YPEL2: variants seen among roughly 807,000 people sequenced by gnomAD.
The protein encoded by YPEL2 is yippee like 2, also known as protein yippee-like 2.
A neutral mutation model predicts 19.1 loss-of-function variants in YPEL2; 2 were observed. The ratio of observed to expected loss-of-function variants is 0.10; its 90% CI spans 0.04 to 0.33. YPEL2 has a LOEUF of 0.33. Ranked by LOEUF, YPEL2 falls within the 10% of genes least tolerant of loss-of-function variation. The probability of loss-of-function intolerance (pLI) is 1.00; values close to 1 mark genes in which losing one functional copy is unlikely to be tolerated. For synonymous variants in YPEL2, 52 were observed against 50.0 expected (o/e 1.04, Z -0.17); for missense variants, 66 against 140.7 (o/e 0.47, Z 2.68).
At chr17:59,381,390 G>A (rs975833021) in intron 2 of YPEL2, among the ~76,000 whole-genome samples, 3 of 152,216 alleles carry the variant, frequency 2.0e-5, no homozygotes, top group Non-Finnish European at 4.4e-5. Flanking sequence ...GGGGGCTGAA[G>A]TTTGAGAGGC....
rs529234764 is a variant in YPEL2 at position 59,350,309 on chromosome 17, A to G, written c.-195-2906A>G. On this transcript the variant is annotated intron_variant, in intron 1 of 4. Coordinates refer to ENST00000312655, the MANE Select transcript of YPEL2 (RefSeq NM_001005404.4). ...GGTCTCGAACTCTTGGGCTCAAGCA[A>G]TCCTCCTGTTTCAAAGTGCTAGGAT... 1.6e-4 allele frequency among the ~76,000 whole-genome samples: 25 copies of G among 152,182 alleles called. No homozygotes were observed. In the East Asian group the frequency reaches 2.7e-3, roughly 16 times the overall value.
At chr17:59,341,687 T>C (rs953417852) in intron 1 of YPEL2, among the ~76,000 whole-genome samples, 81 of 152,036 alleles carry the variant, frequency 5.3e-4, no homozygotes, top group African/African-American at 1.9e-3. Context: ...ATTAAAAAGG[T>C]AAACAGGCTG....
intron 2 of YPEL2, among the ~76,000 whole-genome samples, chr17:59,376,832 C>G (rs1015578667): frequency 2.6e-5 from 4 of 151,412 alleles, no homozygotes; most frequent in Admixed American, 1.3e-4. Context: ...GCCTGTACTC[C>G]CAGCTGCTTG....
intron 4 of YPEL2, among the ~76,000 whole-genome samples, chr17:59,395,187 C>T (rs1267400601): frequency 2.0e-5 from 3 of 151,852 alleles, no homozygotes; most frequent in East Asian, 2.0e-4. Context: ...TCCCAAAACA[C>T]ATTGCTCTGT....
At chr17:59,375,039 A>T (rs1456945585) in intron 2 of YPEL2, among the ~76,000 whole-genome samples, 2 of 152,184 alleles carry the variant, frequency 1.3e-5, no homozygotes, top group Non-Finnish European at 1.5e-5. Flanking sequence ...AGCTCAGCTC[A>T]CATAAGGAAT....
intron 1 of YPEL2, among the ~76,000 whole-genome samples, chr17:59,349,358 CTT>C (rs58304283): frequency 0.09 from 10,713 of 118,552 alleles, 310 homozygotes; most frequent in African/African-American, 0.18. Flanking sequence ...CCTTTTTTTT[CTT>C]TTTTTTTTTT....
intron 2 of YPEL2, among the ~76,000 whole-genome samples, chr17:59,377,358 T>A (rs2047927307): frequency 6.6e-6 from 1 of 152,236 alleles, no homozygotes; most frequent in Admixed American, 6.5e-5. Flanking sequence ...CTGGCTTATA[T>A]TTGAACTGCA....
chr17:59,381,737 A>G (rs1440816989), intron 2 of YPEL2, among the ~76,000 whole-genome samples: 1 of 152,164 alleles, frequency 6.6e-6, no homozygotes, highest in Non-Finnish European at 1.5e-5. Context: ...GTGTGGCTTA[A>G]AAAACAAAAC....
chr17:59,384,695 G>T (rs114722272), intron 2 of YPEL2, among the ~76,000 whole-genome samples: 1,986 of 152,274 alleles, frequency 0.013, 45 homozygotes, highest in African/African-American at 0.045. Context: ...TTTTCTCCCT[G>T]CCCTGGAGAA....
chr17:59,389,787 CCT>C (rs1396031238), intron 4 of YPEL2, among the ~76,000 whole-genome samples: 1 of 151,774 alleles, frequency 6.6e-6, no homozygotes, highest in African/African-American at 2.4e-5. Flanking sequence ...GCTATCTTCA[CCT>C]CTATTTTATG....
chr17:59,337,975 C>T (rs1959165969), intron 1 of YPEL2, among the ~76,000 whole-genome samples: 1 of 152,204 alleles, frequency 6.6e-6, no homozygotes, highest in Admixed American at 6.5e-5. Context: ...CCCATGTCTC[C>T]ATTCTAGGCA....
At chr17:59,387,228 TG>T (rs1229651354) in intron 2 of YPEL2, among the ~76,000 whole-genome samples, 1 of 129,846 alleles carries the variant, frequency 7.7e-6, no homozygotes, top group Non-Finnish European at 1.5e-5. Flanking sequence ...AACTGCACTC[TG>T]GTCTGGATGA....
chr17:59,364,612 CTTTTTTTTTTTTTT>C (rs56282847), intron 2 of YPEL2, among the ~76,000 whole-genome samples: 11,231 of 109,006 alleles, frequency 0.1, 641 homozygotes, highest in South Asian at 0.2. Context: ...CCCTCTGTGT[CTTTTTTTTTTTTTT>C]TTTTTTTTTG....
chr17:59,358,832 T>A (rs1330470263), intron 2 of YPEL2, among the ~76,000 whole-genome samples: 1 of 151,918 alleles, frequency 6.6e-6, no homozygotes, highest in Non-Finnish European at 1.5e-5. Context: ...GATCTCGAAC[T>A]CCTGACCTCA....
intron 2 of YPEL2, among the ~76,000 whole-genome samples, chr17:59,380,774 TGG>T (rs2047945213): frequency 6.6e-6 from 1 of 152,190 alleles, no homozygotes; most frequent in Non-Finnish European, 1.5e-5. Context: ...AGTGGTAAAT[TGG>T]GGAAGCAAGT....
At position 59,353,715 on chromosome 17, in the gene YPEL2, T is replaced by G; in HGVS notation, c.117+189T>G. The G allele has an allele frequency of 1.6e-6, 1 of 609,358 alleles. No homozygotes were observed. The highest frequency in any genetic ancestry group is 3.0e-6 in the Non-Finnish European group (1 of 329,670). 37.7% of individuals were successfully genotyped at this position (609,358 alleles called of 1,614,324 possible). On this transcript the variant is annotated intron_variant, in intron 2 of 4. Coordinates refer to ENST00000312655, the MANE Select transcript of YPEL2 (RefSeq NM_001005404.4). The surrounding 1 kb of genome is among the most constrained non-coding windows in gnomAD (Gnocchi z 4.8). ...GGAGGGACAGAGTAGTCATTTAATT[T>G]GTTATTTTGGAAATGAGGTGTCATC...
intron 1 of YPEL2, among the ~76,000 whole-genome samples, chr17:59,337,491 G>A (rs911121675): frequency 3.2e-4 from 48 of 152,206 alleles, no homozygotes; most frequent in African/African-American, 1.1e-3. Flanking sequence ...GCCCGGCCGG[G>A]AGAAATTCTT....
intron 2 of YPEL2, among the ~76,000 whole-genome samples, chr17:59,371,930 A>C (rs1440640960): frequency 1.3e-5 from 2 of 152,118 alleles, no homozygotes; most frequent in African/African-American, 4.8e-5. Context: ...ATGAACATGA[A>C]CTCTTGGACC....
chr17:59,391,094 A>G (rs1015869687), intron 4 of YPEL2, among the ~76,000 whole-genome samples: 1 of 151,982 alleles, frequency 6.6e-6, no homozygotes. Flanking sequence ...CCTCCCTGTC[A>G]TTGTGAGGAT....
Sources: allele counts gnomAD v4.1 joint callset (sites outside exome capture counted in the v4.1 genomes callset), GRCh38; gene constraint gnomAD v4.1.1; non-coding constraint Gnocchi (gnomAD v3.1); transcripts MANE v1.5; gene names NCBI Gene and HGNC (gene_info 2026-07-23, HGNC 2026-07-21).